Variants in RTN1 observed in about 807,000 individuals in gnomAD.
RTN1 encodes the protein reticulon-1.
RTN1 carries 25 observed loss-of-function variants against 65.5 expected under a neutral mutation model. That is an observed-to-expected ratio of 0.38 (90% confidence interval 0.28 to 0.53). The LOEUF (loss-of-function observed/expected upper bound fraction) is 0.53, where lower values mean the gene tolerates loss of function less well. RTN1 is among the 20% of genes least tolerant of loss of function. The pLI is 0.79. For synonymous variants in RTN1, 471 were observed against 447.6 expected, an observed-to-expected ratio of 1.05 and a Z score of -0.66; for missense variants, 983 against 1,025.4, an observed-to-expected ratio of 0.96 and a Z score of 0.57.
At chr14:59,668,167 C>T (rs180809391) in intron 3 of RTN1, among the ~76,000 whole-genome samples, 24 of 152,194 alleles carry the variant, frequency 1.6e-4, no homozygotes, top group Admixed American at 1.4e-3. Context: ...AGAAAAAGAA[C>T]AAAGCTGGAG....
At chr14:59,697,869 T>C (rs1383471073) in intron 3 of RTN1, among the ~76,000 whole-genome samples, 1 of 152,130 alleles carries the variant, frequency 6.6e-6, no homozygotes, top group African/African-American at 2.4e-5. Flanking sequence ...TAAACCACAC[T>C]ATCCAACTCA....
At chr14:59,620,906 T>C (rs1212997641) in intron 3 of RTN1, among the ~76,000 whole-genome samples, 6 of 152,168 alleles carry the variant, frequency 3.9e-5, no homozygotes, top group Non-Finnish European at 8.8e-5. Context: ...AGGCTGGGAA[T>C]GACGGACAGT....
intron 3 of RTN1, among the ~76,000 whole-genome samples, chr14:59,675,256 T>A: frequency 6.6e-6 from 1 of 151,842 alleles, no homozygotes; most frequent in Middle Eastern, 3.2e-3. Context: ...GTCACACAAA[T>A]CATGTGTGCA....
chr14:59,674,058 T>C (rs1332541212), intron 3 of RTN1, among the ~76,000 whole-genome samples: 5 of 152,232 alleles, frequency 3.3e-5, no homozygotes, highest in Non-Finnish European at 7.3e-5. Flanking sequence ...AAAAATTTCT[T>C]GTGTTAACCT....
Position 59,671,254 on chromosome 14 carries a change from T to C in RTN1, c.1765+55665A>G, listed in dbSNP as rs376566884. Among the ~76,000 whole-genome samples, 18 of 152,294 alleles carry C rather than the reference T, an allele frequency of 1.2e-4. 2 individuals carry two copies. The highest frequency in any genetic ancestry group is 7.2e-4 in the Admixed American group (11 of 15,304). Reference sequence around the variant, plus strand: ...CTTTGAGCATTTAAAAAAATTATAGTTTTACCATATTTGTGGAAAAGGATT... The same window carrying C: ...CTTTGAGCATTTAAAAAAATTATAGCTTTACCATATTTGTGGAAAAGGATT... On this transcript the variant is annotated intron_variant, in intron 3 of 8. Transcript: ENST00000267484.
intron 1 of RTN1, among the ~76,000 whole-genome samples, chr14:59,865,989 G>A (rs1282604008): frequency 6.6e-6 from 1 of 152,134 alleles, no homozygotes; most frequent in Admixed American, 6.5e-5. Flanking sequence ...GTCTGAGCAA[G>A]CTGTGCTCAT....
intron 8 of RTN1, among the ~76,000 whole-genome samples, chr14:59,602,522 AG>A (rs1456723765): frequency 6.6e-6 from 1 of 152,146 alleles, no homozygotes; most frequent in Non-Finnish European, 1.5e-5. Flanking sequence ...CTGAAGACTC[AG>A]GTTTAAAAAG....
At chr14:59,839,560 A>G (rs1887273742) in intron 1 of RTN1, among the ~76,000 whole-genome samples, 1 of 152,120 alleles carries the variant, frequency 6.6e-6, no homozygotes, top group Non-Finnish European at 1.5e-5. Context: ...CCTCTAATCT[A>G]CTTGTTTTAG....
At chr14:59,778,795 A>T (rs1677742107) in intron 1 of RTN1, among the ~76,000 whole-genome samples, 1 of 152,170 alleles carries the variant, frequency 6.6e-6, no homozygotes, top group Non-Finnish European at 1.5e-5. Context: ...AAAGGGATGG[A>T]AGAACATGAG....
intron 3 of RTN1, among the ~76,000 whole-genome samples, chr14:59,688,339 G>A (rs1883890532): frequency 6.6e-6 from 1 of 152,208 alleles, no homozygotes; most frequent in Non-Finnish European, 1.5e-5. Context: ...GGCCTAGGAG[G>A]TTTCCCAGCT....
chr14:59,689,800 TGAGA>T (rs1408450413), intron 3 of RTN1, among the ~76,000 whole-genome samples: 1 of 152,094 alleles, frequency 6.6e-6, no homozygotes, highest in Non-Finnish European at 1.5e-5. Flanking sequence ...AAGCGATCTT[TGAGA>T]GAGTTCTAAA....
At chr14:59,805,059 G>C (rs1312324873) in intron 1 of RTN1, among the ~76,000 whole-genome samples, 2 of 152,172 alleles carry the variant, frequency 1.3e-5, no homozygotes, top group Non-Finnish European at 2.9e-5. Context: ...TTCCCGTCTT[G>C]AGGACTTTGC....
At chr14:59,695,914 C>T (rs770589505) in intron 3 of RTN1, among the ~76,000 whole-genome samples, 1 of 151,846 alleles carries the variant, frequency 6.6e-6, no homozygotes, top group African/African-American at 2.4e-5. Flanking sequence ...AGTCTGTAAA[C>T]ACTATAGAAA....
chr14:59,845,468 T>C (rs1043116128), intron 1 of RTN1, among the ~76,000 whole-genome samples: 4 of 152,188 alleles, frequency 2.6e-5, no homozygotes, highest in African/African-American at 7.2e-5. Context: ...TGCTCTCCAC[T>C]GCCACAGTTT....
intron 3 of RTN1, among the ~76,000 whole-genome samples, chr14:59,614,892 A>C (rs989226789): frequency 9.9e-5 from 15 of 152,232 alleles, no homozygotes; most frequent in Non-Finnish European, 1.2e-4. Flanking sequence ...GAGACCACTG[A>C]AGAAGCAGTT....
chr14:59,721,012 T>A (rs1372216057), intron 3 of RTN1, among the ~76,000 whole-genome samples: 3 of 152,198 alleles, frequency 2.0e-5, no homozygotes, highest in Non-Finnish European at 2.9e-5. Context: ...TGACTTTTTT[T>A]TTTTAGAATT....
At chr14:59,856,947 G>A (rs1261895730) in intron 1 of RTN1, among the ~76,000 whole-genome samples, 1 of 152,126 alleles carries the variant, frequency 6.6e-6, no homozygotes, top group Non-Finnish European at 1.5e-5. Flanking sequence ...TGTCATATAT[G>A]AAGAAACTGA....
chr14:59,750,025 TATTATATAC>T lies in RTN1; in HGVS notation c.242-3553_242-3545del, dbSNP rs1330823453. ...TTATATACATATATATTATATATTA[TATTATATAC>T]ATATATTATATATTATATTATATAC... On this transcript the variant is annotated intron_variant, in intron 1 of 8. Transcript: ENST00000267484. Among the ~76,000 whole-genome samples, 43 of 66,252 alleles carry T rather than the reference TATTATATAC, an allele frequency of 6.5e-4. 1 individual carries two copies. In the East Asian group the frequency reaches 7.9e-3, roughly 12 times the overall value. The allele number at this position is 66,252 out of a possible 152,430, so 43.5% of individuals were successfully genotyped here. A position where few individuals can be genotyped will look rare whatever the true frequency, so the allele number is the denominator to read the frequency against.
At chr14:59,752,185 C>T (rs758801041) in intron 1 of RTN1, among the ~76,000 whole-genome samples, 3 of 152,056 alleles carry the variant, frequency 2.0e-5, no homozygotes, top group Non-Finnish European at 2.9e-5. Context: ...TCCATTTAGG[C>T]GGTTGCAACA....
Sources: gnomAD v4.1 joint callset for allele counts (sites outside exome capture counted in the v4.1 genomes callset) on GRCh38, gnomAD v4.1.1 for gene constraint, MANE v1.5 for transcripts, NCBI Gene and HGNC (gene_info 2026-07-23, HGNC 2026-07-21) for gene names.